Variants in ESYT2 observed in about 807,000 individuals in gnomAD.
ESYT2 encodes extended synaptotagmin-2.
Under a neutral mutation model 107.2 loss-of-function variants are expected in ESYT2, and 54 were observed. The observed-to-expected ratio is 0.50, with a 90% CI of 0.40 to 0.63. ESYT2 has a LOEUF of 0.63. Among genes scored for constraint, ESYT2 ranks in the 30% least tolerant of loss-of-function variants. The pLI, the probability that ESYT2 is intolerant of heterozygous loss-of-function variation, is 0.00. For synonymous variants in ESYT2, 491 were observed against 434.1 expected, an observed-to-expected ratio of 1.13 and a Z score of -1.63; for missense variants, 1,020 against 1,094.5, an observed-to-expected ratio of 0.93 and a Z score of 0.96.
rs114404996 is a variant in ESYT2, at chr7:158,742,017, T to A, written c.1795-121A>T. 4,741 of 1,247,728 alleles carry A rather than the reference T, an allele frequency of 3.8e-3. 127 individuals are homozygous for A. In the African/African-American group the frequency reaches 0.061, roughly 16 times the overall value. 77.3% of individuals were successfully genotyped at this position (1,247,728 alleles called of 1,614,324 possible). A position where few individuals can be genotyped will look rare whatever the true frequency, so the allele number is the denominator to read the frequency against. Reference sequence around the variant, plus strand: ...TTTAAAACTTAGCTCAAAAAAAAATTTTTTTTTAAAGGAAAGTTTAGGTAA... The same window carrying A: ...TTTAAAACTTAGCTCAAAAAAAAATATTTTTTTAAAGGAAAGTTTAGGTAA... On this transcript the variant is annotated intron_variant, in intron 17 of 22. Transcript: ENST00000275418.
intron 6 of ESYT2, among the ~76,000 whole-genome samples, chr7:158,785,538 A>C (rs1563019167): frequency 6.6e-6 from 1 of 152,212 alleles, no homozygotes; most frequent in South Asian, 2.1e-4. Context: ...AAATATGAAG[A>C]CTACTATCTG....
intron 13 of ESYT2, among the ~76,000 whole-genome samples, chr7:158,757,380 C>T (rs1181161597): frequency 1.3e-5 from 2 of 152,142 alleles, no homozygotes; most frequent in South Asian, 2.1e-4. Context: ...ACACTAGTCC[C>T]GACGCTCGCC....
At position 158,731,058 on chromosome 7, in the gene ESYT2, A is replaced by G. The variant is rs1836728896; in HGVS notation, c.*3149T>C. 6.6e-6 allele frequency: 1 copy of G among 152,216 alleles called. No individual in the cohort carries two copies. Among genetic ancestry groups the G allele is most frequent in the South Asian group, 2.1e-4 (1 of 4,822 alleles). The allele number at this position is 152,216 out of a possible 1,614,324, so 9.4% of individuals were successfully genotyped here. On this transcript the variant is annotated 3_prime_UTR_variant, in exon 23 of 23. Transcript: ENST00000275418. The stretch of plus-strand genomic sequence containing the variant: ...CACTGTCACGTGAAATTAGTTGAAC[A>G]GAAAGGAGGTTCTCTACTTTTTAAC...
intron 1 of ESYT2, among the ~76,000 whole-genome samples, chr7:158,814,239 A>C (rs947386156): frequency 6.8e-5 from 10 of 147,030 alleles, no homozygotes; most frequent in African/African-American, 2.5e-4. Context: ...GCGCCACTGC[A>C]CTCCAGCCTG....
chr7:158,731,186 C>T lies in ESYT2; in HGVS notation c.*3021G>A, dbSNP rs548617528. The T allele has an allele frequency of 1.3e-5, 2 of 152,302 alleles. No individual in the cohort carries two copies. The highest frequency in any genetic ancestry group is 6.5e-5 in the Admixed American group (1 of 15,288). 9.4% of individuals were successfully genotyped at this position (152,302 alleles called of 1,614,324 possible). A position where few individuals can be genotyped will look rare whatever the true frequency, so the allele number is the denominator to read the frequency against. On this transcript the variant is annotated 3_prime_UTR_variant, in exon 23 of 23. Coordinates refer to ENST00000275418, the MANE Select transcript of ESYT2 (RefSeq NM_001367773.1). ...AAACACACAGCTACACACAGGCCTGCATTTGGCTTATGTGCCTGAAAAAGA... is the reference window on the plus strand; with the variant it reads ...AAACACACAGCTACACACAGGCCTGTATTTGGCTTATGTGCCTGAAAAAGA...
At position 158,770,376 on chromosome 7, in the gene ESYT2, C is replaced by CTA. The variant is rs530074734; in HGVS notation, c.804-2604_804-2603dup. 8.5e-3 allele frequency among the ~76,000 whole-genome samples: 1,280 copies of CTA among 151,136 alleles called. 15 individuals carry two copies. Among genetic ancestry groups the CTA allele is most frequent in the South Asian group, 0.031 (149 of 4,794 alleles). ...ATAATTGTGCATAAATTATATATAC[C>CTA]TATATATATAAACTTAGAAAAGATA... On this transcript the variant is annotated intron_variant, in intron 7 of 22. Coordinates refer to ENST00000275418, the MANE Select transcript of ESYT2 (RefSeq NM_001367773.1).
At chr7:158,735,209 A>G (rs3816460) in intron 21 of ESYT2, among the ~76,000 whole-genome samples, 39,296 of 152,150 alleles carry the variant, frequency 0.26, 6,437 homozygotes, top group East Asian at 0.59. Flanking sequence ...ATTCACATAA[A>G]TAAAGCCAAA....
chr7:158,829,033 G>C lies in ESYT2; in HGVS notation c.330+56C>G, dbSNP rs1169609685. ...CGGGGAGGGGAGTGCCTGCCTGGACGAGGGGAGATCGGGACTGGTGGTCAG... is the reference window on the plus strand; with the variant it reads ...CGGGGAGGGGAGTGCCTGCCTGGACCAGGGGAGATCGGGACTGGTGGTCAG... On this transcript the variant is annotated intron_variant, in intron 1 of 22. Transcript: ENST00000275418. 8 of 1,554,188 alleles carry C rather than the reference G, an allele frequency of 5.1e-6. No homozygotes were observed. In the African/African-American group the frequency reaches 9.9e-5, roughly 19 times the overall value.
Position 158,781,884 on chromosome 7 carries a change from A to T in ESYT2, c.747+6120T>A, listed in dbSNP as rs558172574. 5.7e-3 allele frequency among the ~76,000 whole-genome samples: 739 copies of T among 130,726 alleles called. 17 individuals carry two copies. The highest frequency in any genetic ancestry group is 0.019 in the African/African-American group (695 of 36,550). The allele number at this position is 130,726 out of a possible 152,430, so 85.8% of individuals were successfully genotyped here. A position where few individuals can be genotyped will look rare whatever the true frequency, so the allele number is the denominator to read the frequency against. On this transcript the variant is annotated intron_variant, in intron 6 of 22. Transcript: ENST00000275418. Reference sequence around the variant, plus strand: ...GTAAGTGTAAGAACGAGAACAAGTAAGAACGAGAACAAGTGTGAGTGAACG... The same window carrying T: ...GTAAGTGTAAGAACGAGAACAAGTATGAACGAGAACAAGTGTGAGTGAACG...
At chr7:158,753,246 C>T (rs772969642) in intron 13 of ESYT2, among the ~76,000 whole-genome samples, 7 of 152,128 alleles carry the variant, frequency 4.6e-5, no homozygotes, top group Admixed American at 3.9e-4. Flanking sequence ...GGGCCACAGC[C>T]GCCCAAGTCC....
intron 1 of ESYT2, among the ~76,000 whole-genome samples, chr7:158,808,823 A>G (rs891669713): frequency 1.3e-5 from 2 of 151,070 alleles, no homozygotes; most frequent in Admixed American, 6.6e-5. Flanking sequence ...AAAAAAAAAA[A>G]ATTAACGAGG....
intron 7 of ESYT2, 41 bp downstream of exon 7, chr7:158,773,300 C>T (rs1182086693): frequency 1.2e-6 from 2 of 1,610,596 alleles, no homozygotes; most frequent in African/African-American, 2.7e-5. Flanking sequence ...GCACAACACG[C>T]CCTCGAACGC....
At chr7:158,749,839 T>A in intron 14 of ESYT2, 116 bp from the exon 15 acceptor site, 1 of 895,574 alleles carries the variant, frequency 1.1e-6, no homozygotes, top group Non-Finnish European at 1.7e-6. Context: ...CTCTGATATT[T>A]AAGGGAATAT....
chr7:158,784,656 T>A (rs1013949194), intron 6 of ESYT2, among the ~76,000 whole-genome samples: 1 of 152,270 alleles, frequency 6.6e-6, no homozygotes, highest in Non-Finnish European at 1.5e-5. Context: ...CCTGTACACG[T>A]CATGAGACAT....
At chr7:158,815,914 TG>T (rs1427355240) in intron 1 of ESYT2, among the ~76,000 whole-genome samples, 1 of 152,218 alleles carries the variant, frequency 6.6e-6, no homozygotes, top group Admixed American at 6.5e-5. Context: ...GGGAAAGTGC[TG>T]GAACTAAGCC....
chr7:158,826,857 A>T lies in ESYT2; in HGVS notation c.330+2232T>A, dbSNP rs147505325. On this transcript the variant is annotated intron_variant, in intron 1 of 22. Transcript: ENST00000275418. The stretch of plus-strand genomic sequence containing the variant: ...AAAAATTTCAGTTCTTCAATAGGGC[A>T]GCAATTTCATCTGTACAGTCTGTGT... Among the ~76,000 whole-genome samples, 1,069 of 146,196 alleles carry T rather than the reference A, an allele frequency of 7.3e-3. 5 individuals are homozygous for T. Among genetic ancestry groups the T allele is most frequent in the Non-Finnish European group, 0.012 (810 of 67,006 alleles).
At chr7:158,815,160 C>T (rs1051966938) in intron 1 of ESYT2, among the ~76,000 whole-genome samples, 7 of 152,190 alleles carry the variant, frequency 4.6e-5, no homozygotes, top group Non-Finnish European at 1.0e-4. Context: ...TTTTCTGTTA[C>T]ACTCCTCCGA....
chr7:158,762,972 T>C (rs1174983548), intron 10 of ESYT2, 111 bp downstream of exon 10: 1 of 654,004 alleles, frequency 1.5e-6, no homozygotes, highest in Non-Finnish European at 2.5e-6. Context: ...TAAGAACCAT[T>C]TAATGAATAG....
intron 1 of ESYT2, among the ~76,000 whole-genome samples, chr7:158,815,443 A>C (rs1840124288): frequency 6.7e-6 from 1 of 148,888 alleles, no homozygotes; most frequent in East Asian, 2.4e-4. Flanking sequence ...TTCCTCCCCA[A>C]AGCTATTCCC....
Sources: gnomAD v4.1 joint callset for allele counts (sites outside exome capture counted in the v4.1 genomes callset) on GRCh38, gnomAD v4.1.1 for gene constraint, MANE v1.5 for transcripts, NCBI Gene and HGNC (gene_info 2026-07-23, HGNC 2026-07-21) for gene names.